Variants in PIP5K1B observed in about 807,000 individuals in gnomAD.
PIP5K1B encodes the protein phosphatidylinositol-4-phosphate 5-kinase type 1 beta, also known as phosphatidylinositol 4-phosphate 5-kinase type-1 beta.
PIP5K1B carries 42 observed loss-of-function variants against 67.0 expected under a neutral mutation model. The ratio of observed to expected loss-of-function variants is 0.63; its 90% CI spans 0.49 to 0.81. The LOEUF (loss-of-function observed/expected upper bound fraction) is 0.81. Ranked by LOEUF, PIP5K1B falls within the 30% of genes least tolerant of loss-of-function variation. The pLI, the probability that PIP5K1B is intolerant of heterozygous loss-of-function variation, is 0.00. For missense variants in PIP5K1B, 459 were observed against 646.3 expected, an observed-to-expected ratio of 0.71 and a Z score of 3.14; for synonymous variants, 214 against 231.4, an observed-to-expected ratio of 0.92 and a Z score of 0.68.
intron 6 of PIP5K1B, among the ~76,000 whole-genome samples, chr9:68,887,302 T>G (rs1209715187): frequency 6.6e-6 from 1 of 152,236 alleles, no homozygotes; most frequent in Admixed American, 6.5e-5. Context: ...AGTTATTTTT[T>G]AAATACAGCA....
intron 1 of PIP5K1B, among the ~76,000 whole-genome samples, chr9:68,730,195 A>G (rs1002478026): frequency 6.6e-6 from 1 of 152,222 alleles, no homozygotes; most frequent in Non-Finnish European, 1.5e-5. Flanking sequence ...TGCATTGATG[A>G]TTTTGTTTAC....
intron 2 of PIP5K1B, chr9:68,788,337 G>C: frequency 1.1e-6 from 1 of 922,576 alleles, no homozygotes; most frequent in Non-Finnish European, 1.7e-6. Context: ...TTCTAGCTTT[G>C]GTCATGTATT....
At chr9:68,780,198 C>G in intron 2 of PIP5K1B, 1 of 1,534,988 alleles carries the variant, frequency 6.5e-7, no homozygotes, top group East Asian at 2.3e-5. Flanking sequence ...AGACCTGGAG[C>G]TGCCTCCGGG....
chr9:68,706,515 C>T (rs899365956), intron 1 of PIP5K1B, among the ~76,000 whole-genome samples: 1 of 152,196 alleles, frequency 6.6e-6, no homozygotes, highest in Admixed American at 6.5e-5. Flanking sequence ...TGAGTAGAAA[C>T]CTATTCCGGA....
chr9:68,915,339 T>C (rs1471157755), intron 8 of PIP5K1B, among the ~76,000 whole-genome samples: 1 of 152,124 alleles, frequency 6.6e-6, no homozygotes, highest in Non-Finnish European at 1.5e-5. Context: ...GGGGGTACTG[T>C]TGCCAAGCCA....
At chr9:68,972,846 T>C (rs1421685701) in intron 14 of PIP5K1B, among the ~76,000 whole-genome samples, 5 of 152,184 alleles carry the variant, frequency 3.3e-5, no homozygotes, top group Non-Finnish European at 5.9e-5. Context: ...GGACAGATTT[T>C]ATAACAGTCA....
At chr9:68,932,435 C>A (rs1291812050) in intron 12 of PIP5K1B, among the ~76,000 whole-genome samples, 1 of 151,896 alleles carries the variant, frequency 6.6e-6, no homozygotes. Flanking sequence ...TTAATTCTTA[C>A]CAGTTAACAA....
chr9:68,953,255 A>G (rs954330924), intron 14 of PIP5K1B, among the ~76,000 whole-genome samples: 2 of 152,008 alleles, frequency 1.3e-5, no homozygotes, highest in East Asian at 1.9e-4. Flanking sequence ...ACCATGTTTT[A>G]TAAGAATTCT....
intron 8 of PIP5K1B, among the ~76,000 whole-genome samples, chr9:68,910,323 T>G (rs766229037): frequency 6.6e-6 from 1 of 152,172 alleles, no homozygotes; most frequent in Non-Finnish European, 1.5e-5. Context: ...GTGGGTAGGT[T>G]TGAAAGCACT....
chr9:68,927,206 C>G (rs1376030374), intron 12 of PIP5K1B, among the ~76,000 whole-genome samples: 1 of 152,104 alleles, frequency 6.6e-6, no homozygotes, highest in Non-Finnish European at 1.5e-5. Flanking sequence ...CCATTTTGGC[C>G]ATTATGAATA....
chr9:68,945,443 G>A (rs181041525), intron 14 of PIP5K1B, among the ~76,000 whole-genome samples: 76 of 152,318 alleles, frequency 5.0e-4, no homozygotes, highest in African/African-American at 1.7e-3. Flanking sequence ...ACCGCACCCA[G>A]CCAATGGGCT....
chr9:68,748,613 C>CTTTTTTT (rs58954806), intron 2 of PIP5K1B, among the ~76,000 whole-genome samples: 172 of 98,268 alleles, frequency 1.8e-3, no homozygotes, highest in African/African-American at 2.9e-3. Flanking sequence ...GATTTCTTTT[C>CTTTTTTT]TTTTTTTTTT....
At chr9:68,732,795 C>T in intron 1 of PIP5K1B, among the ~76,000 whole-genome samples, 1 of 152,074 alleles carries the variant, frequency 6.6e-6, no homozygotes, top group Non-Finnish European at 1.5e-5. Context: ...GGTCTGCTGT[C>T]CCTGAGGCAA....
intron 8 of PIP5K1B, among the ~76,000 whole-genome samples, chr9:68,900,152 T>A (rs753310160): frequency 1.6e-4 from 24 of 152,250 alleles, no homozygotes; most frequent in Non-Finnish European, 3.1e-4. Flanking sequence ...CATATTTTCA[T>A]TATCCAGTCC....
intron 2 of PIP5K1B, among the ~76,000 whole-genome samples, chr9:68,753,813 C>T (rs1479512566): frequency 1.3e-5 from 2 of 151,998 alleles, no homozygotes; most frequent in African/African-American, 2.4e-5. Flanking sequence ...CGTGAGCCAC[C>T]GCACACAGCC....
intron 6 of PIP5K1B, among the ~76,000 whole-genome samples, chr9:68,882,362 C>A (rs1824240208): frequency 6.6e-6 from 1 of 152,150 alleles, no homozygotes; most frequent in African/African-American, 2.4e-5. Flanking sequence ...CAGTTTATTG[C>A]ACATTGATGC....
intron 14 of PIP5K1B, among the ~76,000 whole-genome samples, chr9:68,980,451 C>A (rs759530806): frequency 2.0e-5 from 3 of 152,194 alleles, no homozygotes; most frequent in Non-Finnish European, 4.4e-5. Context: ...AAAAGGAATT[C>A]TTTCCAAGGT....
chr9:68,825,652 T>C (rs1833941448), intron 4 of PIP5K1B, among the ~76,000 whole-genome samples: 3 of 152,214 alleles, frequency 2.0e-5, no homozygotes, highest in African/African-American at 7.2e-5. Context: ...AGCCAGTCCA[T>C]GGATCCCAGG....
At chr9:68,863,259 A>G (rs1336107285) in intron 4 of PIP5K1B, among the ~76,000 whole-genome samples, 1 of 152,192 alleles carries the variant, frequency 6.6e-6, no homozygotes, top group Non-Finnish European at 1.5e-5. Flanking sequence ...AATTCCTACC[A>G]TGTATGTAGC....
Sources: allele counts gnomAD v4.1 joint callset (sites outside exome capture counted in the v4.1 genomes callset), GRCh38; gene constraint gnomAD v4.1.1; transcripts MANE v1.5; gene names NCBI Gene and HGNC (gene_info 2026-07-23, HGNC 2026-07-21).